The following ALOX5 variants were observed in gnomAD, a reference collection of about 807,000 sequenced individuals.
The protein encoded by ALOX5 is arachidonate 5-lipoxygenase.
In ALOX5, 64 loss-of-function variants were observed where a neutral mutation model predicts 87.9. That is an observed-to-expected ratio of 0.73 (90% CI 0.60 to 0.90). ALOX5 has a LOEUF of 0.90. Among genes scored for constraint, ALOX5 ranks in the 40% least tolerant of loss-of-function variants. The pLI is 0.00. For synonymous variants in ALOX5, 388 were observed against 355.1 expected, an observed-to-expected ratio of 1.09 and a Z score of -1.04; for missense variants, 822 against 907.5, an observed-to-expected ratio of 0.91 and a Z score of 1.21.
At chr10:45,402,466 A>G (rs907458792) in intron 3 of ALOX5, among the ~76,000 whole-genome samples, 1 of 152,204 alleles carries the variant, frequency 6.6e-6, no homozygotes, top group Non-Finnish European at 1.5e-5. Flanking sequence ...TCTCGAGGAC[A>G]GGGGCCAGCC....
intron 12 of ALOX5, 78 bp downstream of exon 12, chr10:45,443,906 G>A (rs1842339446): frequency 2.0e-6 from 3 of 1,492,984 alleles, no homozygotes; most frequent in East Asian, 2.5e-5. Context: ...TTCTGCACGC[G>A]TACTGCACCC....
chr10:45,419,750 G>A (rs1346436002), intron 4 of ALOX5, among the ~76,000 whole-genome samples: 1 of 45,924 alleles, frequency 2.2e-5, no homozygotes, highest in East Asian at 1.0e-3. Context: ...AAAGGCACCA[G>A]GGGTGTAGGG....
Position 45,425,106 on chromosome 10 carries a change from C to T in ALOX5, c.808C>T (p.Gln270Ter). The change falls in exon 6 of 14, where the codon CAG (glutamine) becomes TAG (stop). Residue 270 changes from glutamine to a stop codon, truncating the protein, a stop_gained. Coordinates refer to ENST00000374391, the MANE Select transcript of ALOX5 (RefSeq NM_000698.5). LOFTEE classifies it high-confidence loss of function. The surrounding 1 kb of genome is among the most constrained non-coding windows in gnomAD (Gnocchi z 4.4). ...TEMVECSLER[Q>*]LSLEQEVQQG... ...GATGGTAGAGTGCAGCCTGGAGCGGCAGCTCAGCTTGGAGCAGGAGGTCCA... is the reference window on the plus strand; with the variant it reads ...GATGGTAGAGTGCAGCCTGGAGCGGTAGCTCAGCTTGGAGCAGGAGGTCCA... 1 of 1,613,876 alleles carries T rather than the reference C, an allele frequency of 6.2e-7. No individual in the cohort carries two copies. The highest frequency in any genetic ancestry group is 8.5e-7 in the Non-Finnish European group (1 of 1,179,998).
At position 45,412,224 on chromosome 10, in the gene ALOX5, C is replaced by T; in HGVS notation, c.465C>T (p.Ser155=). 2 of 1,614,160 alleles carry T rather than the reference C, an allele frequency of 1.2e-6. No homozygotes were observed. The highest frequency in any genetic ancestry group is 1.7e-5 in the Admixed American group (1 of 60,018). The change falls in exon 4 of 14, where the codon AGC becomes AGT. Residue 155 remains serine (S), a synonymous_variant. Transcript: ENST00000374391. Reference sequence around the variant, plus strand: ...AGTGGAACCCTGGCTTCCCCTTGAGCATCGATGCCAAATGCCACAAGGATT... The same window carrying T: ...AGTGGAACCCTGGCTTCCCCTTGAGTATCGATGCCAAATGCCACAAGGATT... ...WMEWNPGFPL[S]IDAKCHKDLP... is the part of the protein sequence containing the mutation.
At chr10:45,438,369 T>C (rs1032683686) in intron 7 of ALOX5, among the ~76,000 whole-genome samples, 4 of 152,146 alleles carry the variant, frequency 2.6e-5, no homozygotes, top group Admixed American at 6.5e-5. Flanking sequence ...TTTCCCCCCA[T>C]GTAAAATGGG....
At chr10:45,383,399 G>A (rs917800535) in intron 2 of ALOX5, among the ~76,000 whole-genome samples, 10 of 152,220 alleles carry the variant, frequency 6.6e-5, no homozygotes, top group African/African-American at 2.4e-4. Context: ...GAACCACCTT[G>A]CATACCCAGC....
At chr10:45,395,042 C>G (rs1231079371) in intron 2 of ALOX5, among the ~76,000 whole-genome samples, 2 of 152,194 alleles carry the variant, frequency 1.3e-5, no homozygotes, top group African/African-American at 4.8e-5. Flanking sequence ...GTGGAAGACA[C>G]TGTGGCAATT....
At position 45,422,856 on chromosome 10, in the gene ALOX5, G is replaced by T. The variant is rs934809355; in HGVS notation, c.555-1185G>T. ...CGGAGGCTAGAAGTCCAAGATTAGG[G>T]TGCCAGCCAATCCACTTGCTGGTGA... On this transcript the variant is annotated intron_variant, in intron 4 of 13. Transcript: ENST00000374391. Among the ~76,000 whole-genome samples the T allele has an allele frequency of 3.3e-5, 5 of 152,184 alleles. No individual in the cohort carries two copies. The East Asian group carries it at 9.6e-4, about 29-fold the overall frequency.
intron 2 of ALOX5, among the ~76,000 whole-genome samples, chr10:45,395,553 T>C (rs551236444): frequency 2.0e-5 from 3 of 151,774 alleles, no homozygotes; most frequent in East Asian, 1.9e-4. Context: ...CATGTATACA[T>C]ATGTAACAAA....
chr10:45,437,829 G>A (rs958902267), intron 7 of ALOX5, among the ~76,000 whole-genome samples: 1 of 152,224 alleles, frequency 6.6e-6, no homozygotes, highest in Non-Finnish European at 1.5e-5. Flanking sequence ...GACAAGCTGC[G>A]TAAGGAATAA....
intron 2 of ALOX5, among the ~76,000 whole-genome samples, chr10:45,387,190 CAG>C (rs1271621480): frequency 2.0e-5 from 3 of 152,206 alleles, no homozygotes; most frequent in African/African-American, 4.8e-5. Context: ...GCTTCAGTGA[CAG>C]AGCCCAAGTC....
rs745728536 is a variant in ALOX5 at position 45,412,183 on chromosome 10, A to C, written c.432-8A>C. The C allele has an allele frequency of 9.9e-6, 16 of 1,613,934 alleles. No individual in the cohort carries two copies. The highest frequency in any genetic ancestry group is 1.4e-5 in the Non-Finnish European group (16 of 1,180,006). On this transcript the variant is annotated splice_polypyrimidine_tract_variant and splice_region_variant and intron_variant, in intron 3 of 13. Transcript: ENST00000374391. ...TTAACTCAATTTCTTCTCCTTTCTC[A>C]TGCTCAGATGGATGGAGTGGAACCC...
At chr10:45,392,006 C>G (rs566373495) in intron 2 of ALOX5, among the ~76,000 whole-genome samples, 1 of 151,470 alleles carries the variant, frequency 6.6e-6, no homozygotes, top group African/African-American at 2.4e-5. Context: ...GTCAGCCCCC[C>G]GCCCGGCCAG....
At chr10:45,395,735 G>A (rs1840475363) in intron 2 of ALOX5, 120 bp from the exon 3 acceptor site, 2 of 749,854 alleles carry the variant, frequency 2.7e-6, no homozygotes, top group Non-Finnish European at 4.6e-6. Context: ...AGGCTCAAAT[G>A]AGGTCATGCA....
At chr10:45,434,460 T>C (rs980965444) in intron 7 of ALOX5, among the ~76,000 whole-genome samples, 4 of 152,216 alleles carry the variant, frequency 2.6e-5, no homozygotes, top group Non-Finnish European at 5.9e-5. Flanking sequence ...AGTGAGCCCT[T>C]CCATGTCCTC....
chr10:45,379,440 C>T (rs1839751571), intron 1 of ALOX5, among the ~76,000 whole-genome samples: 1 of 152,226 alleles, frequency 6.6e-6, no homozygotes, highest in Non-Finnish European at 1.5e-5. Flanking sequence ...TCCCACTCTC[C>T]CTCTGTCCTC....
chr10:45,441,363 G>C lies in ALOX5; in HGVS notation c.1205G>C (p.Arg402Thr). 3 of 1,613,732 alleles carry C rather than the reference G, an allele frequency of 1.9e-6. No individual in the cohort carries two copies. Among genetic ancestry groups the C allele is most frequent in the Non-Finnish European group, 2.5e-6 (3 of 1,179,744 alleles). The change falls in exon 9 of 14, where the codon AGA becomes ACA. Residue 402 changes from arginine to threonine, a missense_variant. By Grantham distance (71) the Arg-to-Thr change is moderately conservative. Transcript: ENST00000374391. ...CCCCAGCTGCTGGTGGCACACGTGA[G>C]ATTCACCATTGCAATCAACACCAAG... is the stretch of plus-strand genomic sequence containing the variant. ...PIFKLLVAHV[R>T]FTIAINTKAR...
chr10:45,412,082 A>T, intron 3 of ALOX5, 109 bp from the exon 4 acceptor site: 1 of 1,477,364 alleles, frequency 6.8e-7, no homozygotes, highest in Non-Finnish European at 9.2e-7. Context: ...TATTTTGAGT[A>T]CATCAATCTC....
At chr10:45,442,411 C>A (rs1222494008) in intron 9 of ALOX5, among the ~76,000 whole-genome samples, 1 of 152,230 alleles carries the variant, frequency 6.6e-6, no homozygotes, top group Admixed American at 6.5e-5. Context: ...CTCTGGCACC[C>A]CAGCACCCAA....
Sources: gnomAD v4.1 joint callset for allele counts (sites outside exome capture counted in the v4.1 genomes callset) on GRCh38, gnomAD v4.1.1 for gene constraint, Gnocchi (gnomAD v3.1) non-coding constraint, MANE v1.5 for transcripts, NCBI Gene and HGNC (gene_info 2026-07-23, HGNC 2026-07-21) for gene names.